JAK2: variants seen among roughly 807,000 people sequenced by gnomAD.
JAK2 encodes tyrosine-protein kinase JAK2.
JAK2 carries 86 observed loss-of-function variants against 139.3 expected under a neutral mutation model. That is an observed-to-expected ratio of 0.62 (90% CI 0.52 to 0.74). The LOEUF (loss-of-function observed/expected upper bound fraction) is 0.74, where lower values mean the gene tolerates loss of function less well. Ranked by LOEUF, JAK2 falls within the 30% of genes least tolerant of loss-of-function variation. JAK2 has a pLI of 0.00. For missense variants in JAK2, 1,421 were observed against 1,360.3 expected, an observed-to-expected ratio of 1.04 and a Z score of -0.70; for synonymous variants, 490 against 437.7, an observed-to-expected ratio of 1.12 and a Z score of -1.49.
In JAK2 at chr9:5,103,221, C is replaced by CAAAAAA. The variant is rs56691830; in HGVS notation, c.3059+12339_3059+12344dup. On this transcript the variant is annotated intron_variant, in intron 22 of 24. Transcript: ENST00000381652. Reference sequence around the variant, plus strand: ...GAAGATCTACCAAGCAAAGGGAAAGCAAAAAAAAAAAAAAAAAAAAAAAAA... The same window carrying CAAAAAA: ...GAAGATCTACCAAGCAAAGGGAAAGCAAAAAAAAAAAAAAAAAAAAAAAAAAAAAAA... 8.7e-4 allele frequency among the ~76,000 whole-genome samples: 6 copies of CAAAAAA among 6,872 alleles called. 1 individual carries two copies. Among genetic ancestry groups the CAAAAAA allele is most frequent in the African/African-American group, 3.0e-3 (5 of 1,694 alleles). 4.5% of individuals were successfully genotyped at this position (6,872 alleles called of 152,430 possible). A position where few individuals can be genotyped will look rare whatever the true frequency, so the allele number is the denominator to read the frequency against.
chr9:5,050,046 C>T (rs995288678), intron 5 of JAK2, among the ~76,000 whole-genome samples: 1 of 152,148 alleles, frequency 6.6e-6, no homozygotes, highest in African/African-American at 2.4e-5. Flanking sequence ...TATCCAACAC[C>T]ACTTGTAGTA....
intron 22 of JAK2, among the ~76,000 whole-genome samples, chr9:5,115,823 C>T (rs1040241840): frequency 1.3e-5 from 2 of 152,056 alleles, no homozygotes; most frequent in African/African-American, 2.4e-5. Context: ...AACCATACAC[C>T]ACTTGTTCTC....
rs368100217 is a variant in JAK2, at chr9:5,123,019, A to G, written c.3075A>G (p.Ser1025=). ...ATATTTACAGGTATGCTCCAGAATC[A>G]CTGACAGAGAGCAAGTTTTCTGTGG... ...ESPIFWYAPE[S]LTESKFSVAS... The change falls in exon 23 of 25, where the codon TCA becomes TCG. Residue 1025 remains serine, a synonymous_variant. Transcript: ENST00000381652. The G allele has an allele frequency of 6.2e-7, 1 of 1,610,162 alleles. No individual in the cohort carries two copies. Among genetic ancestry groups the G allele is most frequent in the African/African-American group, 1.3e-5 (1 of 74,752 alleles).
At chr9:5,038,895 A>G (rs994164382) in intron 4 of JAK2, among the ~76,000 whole-genome samples, 2 of 152,244 alleles carry the variant, frequency 1.3e-5, no homozygotes, top group Non-Finnish European at 2.9e-5. Context: ...AATAGAATAA[A>G]TGACCAAAAC....
intron 2 of JAK2, among the ~76,000 whole-genome samples, chr9:4,995,822 C>G (rs893424379): frequency 6.6e-6 from 1 of 152,054 alleles, no homozygotes; most frequent in African/African-American, 2.4e-5. Flanking sequence ...TTGAATTTAA[C>G]CTTGGTTTTC....
rs1823998497 is a variant in JAK2, at chr9:5,126,387, T to C, written c.3232T>C (p.Leu1078=). The change falls in exon 24 of 25, where the codon TTG becomes CTG. Residue 1078 remains leucine (L), a synonymous_variant. Coordinates refer to ENST00000381652, the MANE Select transcript of JAK2 (RefSeq NM_004972.4). The stretch of plus-strand genomic sequence containing the variant: ...ACAAGGACAGATGATCGTGTTCCAT[T>C]TGATAGAACTTTTGAAGAATAATGG... ...DKQGQMIVFH[L]IELLKNNGRL... is the part of the protein sequence containing the mutation. 2.5e-6 allele frequency: 4 copies of C among 1,611,066 alleles called. No individual in the cohort carries two copies. Among genetic ancestry groups the C allele is most frequent in the Non-Finnish European group, 3.4e-6 (4 of 1,178,126 alleles).
intron 22 of JAK2, among the ~76,000 whole-genome samples, chr9:5,103,610 G>C (rs1821706639): frequency 6.6e-6 from 1 of 152,110 alleles, no homozygotes; most frequent in Non-Finnish European, 1.5e-5. Context: ...CAAATCAACA[G>C]AATATACATT....
intron 22 of JAK2, chr9:5,113,452 C>CTT (rs1822835529): frequency 6.9e-6 from 1 of 144,300 alleles, no homozygotes; most frequent in South Asian, 2.2e-4. Context: ...AAAAAAAACC[C>CTT]GGACTGACCT....
chr9:5,030,827 G>T (rs1326302058), intron 4 of JAK2, among the ~76,000 whole-genome samples: 1 of 151,972 alleles, frequency 6.6e-6, no homozygotes, highest in East Asian at 1.9e-4. Context: ...GATGTCTAAT[G>T]TATAATTTGC....
At chr9:5,086,222 G>A in intron 19 of JAK2, 6 of 604,648 alleles carry the variant, frequency 9.9e-6, no homozygotes, top group Non-Finnish European at 1.3e-5. Context: ...CGAGGCCACG[G>A]TCGGAGTCTG....
intron 22 of JAK2, among the ~76,000 whole-genome samples, chr9:5,119,704 G>A (rs888779893): frequency 4.6e-5 from 7 of 152,142 alleles, no homozygotes; most frequent in Admixed American, 4.6e-4. Flanking sequence ...GGTATGAAGT[G>A]AATTCTGACT....
chr9:5,116,819 TC>T (rs1157137876), intron 22 of JAK2, among the ~76,000 whole-genome samples: 1 of 152,168 alleles, frequency 6.6e-6, no homozygotes, highest in Non-Finnish European at 1.5e-5. Flanking sequence ...CTTCAAGAGC[TC>T]ATAATTAGGA....
chr9:5,014,978 A>C (rs1821949222), intron 2 of JAK2, among the ~76,000 whole-genome samples: 1 of 152,094 alleles, frequency 6.6e-6, no homozygotes, highest in African/African-American at 2.4e-5. Flanking sequence ...ATATGCCTAA[A>C]CAATGTACTA....
intron 20 of JAK2, 88 bp from the exon 21 acceptor site, chr9:5,090,358 T>C: frequency 8.3e-6 from 8 of 961,556 alleles, no homozygotes; most frequent in Non-Finnish European, 1.1e-5. Flanking sequence ...TTCATATATG[T>C]TTAAGTCATT....
At chr9:5,108,530 T>C (rs1368366584) in intron 22 of JAK2, 1 of 152,114 alleles carries the variant, frequency 6.6e-6, no homozygotes, top group Admixed American at 6.5e-5. Flanking sequence ...TTATGGCCTT[T>C]ATAGTAAAAA....
At chr9:5,091,986 A>C (rs1820615039) in intron 22 of JAK2, among the ~76,000 whole-genome samples, 1 of 152,148 alleles carries the variant, frequency 6.6e-6, no homozygotes, top group African/African-American at 2.4e-5. Flanking sequence ...AATCCGGCGA[A>C]GATACTGCCG....
intron 3 of JAK2, among the ~76,000 whole-genome samples, chr9:5,024,873 C>T (rs974145996): frequency 6.6e-6 from 1 of 152,170 alleles, no homozygotes; most frequent in African/African-American, 2.4e-5. Flanking sequence ...AAGGTTGGCT[C>T]TGTTCACTCC....
At chr9:5,005,691 G>A (rs1411284329) in intron 2 of JAK2, among the ~76,000 whole-genome samples, 1 of 152,084 alleles carries the variant, frequency 6.6e-6, no homozygotes, top group Non-Finnish European at 1.5e-5. Flanking sequence ...GTGGGTAAGT[G>A]TTTTTTATTT....
intron 19 of JAK2, among the ~76,000 whole-genome samples, chr9:5,087,196 C>T (rs899717544): frequency 2.0e-5 from 3 of 152,194 alleles, no homozygotes; most frequent in Non-Finnish European, 2.9e-5. Context: ...GTTTAATTGA[C>T]TGACAGTTAC....
Sources: allele counts gnomAD v4.1 joint callset (sites outside exome capture counted in the v4.1 genomes callset), GRCh38; gene constraint gnomAD v4.1.1; transcripts MANE v1.5; gene names NCBI Gene and HGNC (gene_info 2026-07-23, HGNC 2026-07-21).